Variants in C12orf42 observed in about 807,000 individuals in gnomAD.
The protein encoded by C12orf42 is chromosome 12 open reading frame 42.
Under a neutral mutation model 21.6 loss-of-function variants are expected in C12orf42, and 25 were observed. The observed-to-expected ratio is 1.16, with a 90% CI of 0.84 to 1.62. C12orf42 has a LOEUF of 1.62. C12orf42 is among the 40% of genes most tolerant of loss of function. C12orf42 has a pLI of 0.00. For missense variants in C12orf42, 483 were observed against 459.3 expected (o/e 1.05, Z -0.47); for synonymous variants, 174 against 175.0 (o/e 0.99, Z 0.05).
chr12:103,540,269 G>A, the C12orf42 span, among the ~76,000 whole-genome samples: 3 of 152,314 alleles, frequency 2.0e-5, no homozygotes, highest in East Asian at 1.9e-4. Context: ...GCCTCCCAAA[G>A]TGCTGAGATT....
chr12:103,397,237 C>A (rs1232663449), intron 3 of C12orf42, among the ~76,000 whole-genome samples: 1 of 152,170 alleles, frequency 6.6e-6, no homozygotes, highest in African/African-American at 2.4e-5. Context: ...AATTAGGCCA[C>A]AAGGTATTTA....
chr12:103,528,509 A>G, the C12orf42 span, among the ~76,000 whole-genome samples: 119,376 of 152,114 alleles, frequency 0.78, 47,933 homozygotes, highest in African/African-American at 0.95. Context: ...GTGCCCACTC[A>G]GTGTGTGGTG....
At chr12:103,081,517 G>A in the C12orf42 span, 7 of 152,134 alleles carry the variant, frequency 4.6e-5, no homozygotes, top group Non-Finnish European at 8.8e-5. Context: ...TGTTAAGACA[G>A]ATGCATCTTC....
chr12:103,202,899 T>C, the C12orf42 span, among the ~76,000 whole-genome samples: 1 of 152,210 alleles, frequency 6.6e-6, no homozygotes, highest in Admixed American at 6.5e-5. Context: ...CCTGTATAGC[T>C]AGCTGGTATT....
the C12orf42 span, among the ~76,000 whole-genome samples, chr12:103,058,493 A>T: frequency 6.6e-6 from 1 of 152,152 alleles, no homozygotes; most frequent in Non-Finnish European, 1.5e-5. Context: ...ACCAAATAGA[A>T]ATCTACAGAA....
intron 2 of C12orf42, among the ~76,000 whole-genome samples, chr12:103,474,411 T>C (rs1385043040): frequency 2.0e-5 from 3 of 150,022 alleles, no homozygotes; most frequent in Non-Finnish European, 4.4e-5. Context: ...TCTTGATCTC[T>C]GTCTCTATGT....
chr12:103,205,343 A>G, the C12orf42 span, among the ~76,000 whole-genome samples: 2 of 152,212 alleles, frequency 1.3e-5, no homozygotes, highest in Non-Finnish European at 2.9e-5. Context: ...AAGACTCACA[A>G]TCATGGCAGA....
At chr12:103,238,828 G>A (rs1370957437) in intron 10 of C12orf42, among the ~76,000 whole-genome samples, 1 of 152,198 alleles carries the variant, frequency 6.6e-6, no homozygotes, top group East Asian at 1.9e-4. Context: ...CCAGGGAACA[G>A]CCAGCGACGT....
At chr12:103,370,845 T>C (rs1270379061) in intron 3 of C12orf42, among the ~76,000 whole-genome samples, 1 of 152,138 alleles carries the variant, frequency 6.6e-6, no homozygotes, top group Non-Finnish European at 1.5e-5. Context: ...CAGTTCACCA[T>C]ATAACAAACC....
chr12:103,100,630 A>G, the C12orf42 span, among the ~76,000 whole-genome samples: 1 of 152,196 alleles, frequency 6.6e-6, no homozygotes, highest in African/African-American at 2.4e-5. Context: ...AACAACTGGT[A>G]TCACTCAAAT....
the C12orf42 span, among the ~76,000 whole-genome samples, chr12:103,207,323 C>A: frequency 6.6e-6 from 1 of 152,226 alleles, no homozygotes; most frequent in Non-Finnish European, 1.5e-5. Context: ...AGAGCCCTAA[C>A]AGGGGATCCT....
At chr12:103,447,199 C>G (rs1951636278) in intron 2 of C12orf42, among the ~76,000 whole-genome samples, 1 of 151,800 alleles carries the variant, frequency 6.6e-6, no homozygotes, top group African/African-American at 2.4e-5. Flanking sequence ...GAAATCAACT[C>G]CAAAAGGAAT....
At chr12:103,449,128 T>TAGATAGATAGACAGAC (rs1555203975) in intron 2 of C12orf42, among the ~76,000 whole-genome samples, 16 of 148,612 alleles carry the variant, frequency 1.1e-4, no homozygotes, top group African/African-American at 3.5e-4. Context: ...GATAGATAGA[T>TAGATAGATAGACAGAC]AGACAGACAC....
At chr12:103,296,877 G>A (rs1399463361) in intron 4 of C12orf42, among the ~76,000 whole-genome samples, 1 of 152,156 alleles carries the variant, frequency 6.6e-6, no homozygotes, top group Non-Finnish European at 1.5e-5. Flanking sequence ...GATCCCATTT[G>A]TCAATTTTGG....
chr12:103,329,757 G>A (rs1697654106), intron 4 of C12orf42, among the ~76,000 whole-genome samples: 1 of 151,726 alleles, frequency 6.6e-6, no homozygotes, highest in South Asian at 2.1e-4. Context: ...GGAAAAGGGG[G>A]GAAAAGTACA....
At chr12:103,177,969 T>C in the C12orf42 span, among the ~76,000 whole-genome samples, 1 of 152,196 alleles carries the variant, frequency 6.6e-6, no homozygotes, top group Non-Finnish European at 1.5e-5. Flanking sequence ...ATAAAGCGTG[T>C]TTCCTTTCTA....
chr12:103,067,221 T>C, the C12orf42 span, among the ~76,000 whole-genome samples: 1 of 152,254 alleles, frequency 6.6e-6, no homozygotes, highest in Non-Finnish European at 1.5e-5. Context: ...TTGCCTATCC[T>C]GCACCCAATG....
At chr12:103,427,704 C>G (rs1949952165) in intron 2 of C12orf42, among the ~76,000 whole-genome samples, 1 of 152,152 alleles carries the variant, frequency 6.6e-6, no homozygotes, top group Admixed American at 6.5e-5. Context: ...CACACTTATT[C>G]TAAAATTGAC....
the C12orf42 span, among the ~76,000 whole-genome samples, chr12:103,074,932 A>T: frequency 1.7e-4 from 24 of 144,830 alleles, no homozygotes; most frequent in African/African-American, 6.4e-4. Flanking sequence ...CAAAAATAAT[A>T]AAAAAAATTA....
Sources: gnomAD v4.1 joint callset for allele counts (sites outside exome capture counted in the v4.1 genomes callset) on GRCh38, gnomAD v4.1.1 for gene constraint, MANE v1.5 for transcripts, NCBI Gene and HGNC (gene_info 2026-07-23, HGNC 2026-07-21) for gene names.